MTUS2: variants seen among roughly 807,000 people sequenced by gnomAD.
MTUS2 encodes microtubule associated scaffold protein 2.
In MTUS2, 40 loss-of-function variants were observed where a neutral mutation model predicts 114.1. The ratio of observed to expected loss-of-function variants is 0.35; its 90% CI spans 0.27 to 0.46. The LOEUF (loss-of-function observed/expected upper bound fraction) is 0.46. Among genes scored for constraint, MTUS2 ranks in the 20% least tolerant of loss-of-function variants. The pLI is 1.00. For synonymous variants in MTUS2, 688 were observed against 672.0 expected (o/e 1.02, Z -0.37); for missense variants, 1,679 against 1,705.4 (o/e 0.98, Z 0.27).
intron 2 of MTUS2, among the ~76,000 whole-genome samples, chr13:28,896,527 T>C (rs567520526): frequency 1.3e-5 from 2 of 152,162 alleles, no homozygotes; most frequent in African/African-American, 4.8e-5. Flanking sequence ...CCAATGACTT[T>C]CTTCACAGAA....
At chr13:29,320,481 C>T (rs1462139886) in intron 6 of MTUS2, among the ~76,000 whole-genome samples, 3 of 152,168 alleles carry the variant, frequency 2.0e-5, no homozygotes, top group Non-Finnish European at 4.4e-5. Context: ...TTGAAGATGA[C>T]CTGGAGTAGG....
chr13:29,038,049 C>T (rs1484543526), intron 4 of MTUS2, among the ~76,000 whole-genome samples: 2 of 152,166 alleles, frequency 1.3e-5, no homozygotes, highest in African/African-American at 2.4e-5. Context: ...CAGTTTTGCT[C>T]CCTTGCTGGC....
chr13:29,309,919 C>T (rs987069616), intron 6 of MTUS2, among the ~76,000 whole-genome samples: 38 of 152,096 alleles, frequency 2.5e-4, no homozygotes, highest in African/African-American at 9.2e-4. Context: ...ATGTTACAAA[C>T]AATTCAGTTA....
rs748567933 is a variant in MTUS2, at chr13:29,025,150, A to T, written c.452A>T (p.Asp151Val). 4 of 1,613,836 alleles carry T rather than the reference A, an allele frequency of 2.5e-6. No individual in the cohort carries two copies. The African/African-American group carries it at 5.3e-5, about 22-fold the overall frequency. The change falls in exon 3 of 16, where the codon GAT becomes GTT. Residue 151 changes from aspartate (D) to valine (V), a missense_variant. Coordinates refer to ENST00000612955, the MANE Select transcript of MTUS2 (RefSeq NM_001033602.4). ...EASLDVLAKR[D>V]AEIPRHVPKD... ...AGTCTAGACGTTTTGGCTAAAAGGGATGCTGAAATTCCCCGGCATGTTCCC... is the reference window on the plus strand; with the variant it reads ...AGTCTAGACGTTTTGGCTAAAAGGGTTGCTGAAATTCCCCGGCATGTTCCC...
At chr13:28,958,815 A>C (rs1296691969) in intron 2 of MTUS2, among the ~76,000 whole-genome samples, 2 of 152,238 alleles carry the variant, frequency 1.3e-5, no homozygotes, top group Non-Finnish European at 2.9e-5. Flanking sequence ...GCTTGTCAGC[A>C]AGGTTAAATT....
At chr13:28,871,426 C>T (rs1013303731) in intron 2 of MTUS2, among the ~76,000 whole-genome samples, 1 of 152,080 alleles carries the variant, frequency 6.6e-6, no homozygotes, top group African/African-American at 2.4e-5. Flanking sequence ...AATAGGGGCT[C>T]ATAGTAATGA....
intron 8 of MTUS2, among the ~76,000 whole-genome samples, chr13:29,362,159 G>C (rs1214059975): frequency 6.6e-6 from 1 of 152,168 alleles, no homozygotes; most frequent in African/African-American, 2.4e-5. Flanking sequence ...AATGTGCAAA[G>C]ATGCTTTATA....
chr13:29,119,881 A>G (rs1021639021), intron 5 of MTUS2, among the ~76,000 whole-genome samples: 7 of 152,214 alleles, frequency 4.6e-5, no homozygotes, highest in African/African-American at 1.7e-4. Context: ...TCTGTGGATC[A>G]GTGAGTTTGA....
At chr13:29,361,036 A>G (rs1870201319) in intron 8 of MTUS2, among the ~76,000 whole-genome samples, 1 of 152,210 alleles carries the variant, frequency 6.6e-6, no homozygotes, top group Non-Finnish European at 1.5e-5. Context: ...TTTAGGCCCC[A>G]CTTTTGGGAT....
chr13:28,973,968 AAGTG>A (rs1188092525), intron 2 of MTUS2, among the ~76,000 whole-genome samples: 9 of 152,224 alleles, frequency 5.9e-5, no homozygotes, highest in Admixed American at 1.3e-4. Flanking sequence ...GTTTTTATGT[AAGTG>A]AGTAAAGCGT....
At chr13:28,837,142 C>T (rs1186607869) in intron 1 of MTUS2, among the ~76,000 whole-genome samples, 1 of 152,300 alleles carries the variant, frequency 6.6e-6, no homozygotes, top group East Asian at 1.9e-4. Flanking sequence ...TCCTGTTCTT[C>T]ATTGTAGTTG....
chr13:29,033,188 G>A (rs1008477045), intron 3 of MTUS2, among the ~76,000 whole-genome samples: 9 of 152,138 alleles, frequency 5.9e-5, no homozygotes, highest in Admixed American at 1.3e-4. Flanking sequence ...TGAAGTCAGC[G>A]GTTGATGAGA....
chr13:28,910,855 CTTTTTTTTTTTTTTTTT>C lies in MTUS2; in HGVS notation c.-243+71027_-243+71043del, dbSNP rs555935861. Among the ~76,000 whole-genome samples, 99 of 58,030 alleles carry C rather than the reference CTTTTTTTTTTTTTTTTT, an allele frequency of 1.7e-3. 1 individual carries two copies. The East Asian group carries it at 0.043, about 25-fold the overall frequency. The allele number at this position is 58,030 out of a possible 152,430, so 38.1% of individuals were successfully genotyped here. ...CTGCAATGAACACACATATACATGG[CTTTTTTTTTTTTTTTTT>C]TTTTTTTTTTTTTTTTTTTTTGAGA... is the stretch of plus-strand genomic sequence containing the variant. On this transcript the variant is annotated intron_variant, in intron 2 of 15. Coordinates refer to ENST00000612955, the MANE Select transcript of MTUS2 (RefSeq NM_001033602.4).
intron 5 of MTUS2, among the ~76,000 whole-genome samples, chr13:29,193,330 A>G (rs1894525364): frequency 6.6e-6 from 1 of 152,120 alleles, no homozygotes; most frequent in Non-Finnish European, 1.5e-5. Context: ...AGGGCCAGGC[A>G]TTTCAATGAG....
chr13:29,422,033 A>T (rs1171141503), intron 8 of MTUS2, among the ~76,000 whole-genome samples: 1 of 152,210 alleles, frequency 6.6e-6, no homozygotes, highest in Non-Finnish European at 1.5e-5. Flanking sequence ...ATTGACATAG[A>T]GGCTCTTGCT....
rs146947924 is a variant in MTUS2 at position 29,121,808 on chromosome 13, C to T, written c.2644+20838C>T. Among the ~76,000 whole-genome samples, 83 of 152,224 alleles carry T rather than the reference C, an allele frequency of 5.5e-4. No individual in the cohort carries two copies. The East Asian group carries it at 0.012, about 21-fold the overall frequency. On this transcript the variant is annotated intron_variant, in intron 5 of 15. Transcript: ENST00000612955. ...AGTAGGTGGGGTTACAGGCATGTAC[C>T]AGCACACCCAGCTAATTTTGTATTT...
chr13:29,196,687 G>T (rs918554633), intron 5 of MTUS2, among the ~76,000 whole-genome samples: 1 of 152,142 alleles, frequency 6.6e-6, no homozygotes. Context: ...ACTACTCATA[G>T]AGTGGAACAT....
At chr13:29,329,294 C>T in intron 7 of MTUS2, among the ~76,000 whole-genome samples, 1 of 151,906 alleles carries the variant, frequency 6.6e-6, no homozygotes, top group East Asian at 1.9e-4. Context: ...CCCCCACCCC[C>T]TGACAGGCCC....
intron 9 of MTUS2, among the ~76,000 whole-genome samples, chr13:29,467,218 A>C (rs1016078042): frequency 6.6e-6 from 1 of 152,170 alleles, no homozygotes; most frequent in South Asian, 2.1e-4. Flanking sequence ...CGCAAACTTA[A>C]AACTTTTGCC....
Sources: gnomAD v4.1 joint callset for allele counts (sites outside exome capture counted in the v4.1 genomes callset) on GRCh38, gnomAD v4.1.1 for gene constraint, MANE v1.5 for transcripts, NCBI Gene and HGNC (gene_info 2026-07-23, HGNC 2026-07-21) for gene names.